MTERF3: variants seen among roughly 807,000 people sequenced by gnomAD.
MTERF3 encodes transcription termination factor 3, mitochondrial.
Under a neutral mutation model 40.5 loss-of-function variants are expected in MTERF3, and 40 were observed. The observed-to-expected ratio is 0.99, with a 90% CI of 0.77 to 1.29. The LOEUF (loss-of-function observed/expected upper bound fraction) is 1.29, where lower values mean the gene tolerates loss of function less well. Ranked by LOEUF, MTERF3 falls within the 50% of genes most tolerant of loss-of-function variation. MTERF3 has a pLI of 0.00. For synonymous variants in MTERF3, 158 were observed against 166.6 expected, an observed-to-expected ratio of 0.95 and a Z score of 0.40; for missense variants, 452 against 478.2, an observed-to-expected ratio of 0.95 and a Z score of 0.51.
At chr8:96,239,790 T>A (rs1809888458) in intron 7 of MTERF3, 105 bp from the exon 8 acceptor site, 3 of 775,624 alleles carry the variant, frequency 3.9e-6, no homozygotes, top group Non-Finnish European at 6.6e-6. Flanking sequence ...TACCAAGTAC[T>A]GACCATGTGT....
In MTERF3 at chr8:96,258,370, C is replaced by T. The variant is rs774252772; in HGVS notation, c.321G>A (p.Glu107=). 1.9e-6 allele frequency: 3 copies of T among 1,609,940 alleles called. No individual in the cohort carries two copies. Among genetic ancestry groups the T allele is most frequent in the Admixed American group, 1.7e-5 (1 of 59,858 alleles). Residue 107 remains glutamate, a synonymous_variant, in exon 2 of 8, where the codon GAG becomes GAA. Coordinates refer to ENST00000287025, the MANE Select transcript of MTERF3 (RefSeq NM_015942.5). ...GTTCAGAATTACCTTCTAGAAACAG[C>T]TCAGAATCAAAGCTGGATATATTTT... is the stretch of plus-strand genomic sequence containing the variant. ...KTQNISSFDS[E]LFLEELDELP...
intron 7 of MTERF3, among the ~76,000 whole-genome samples, chr8:96,240,916 A>T (rs1217333605): frequency 2.6e-5 from 4 of 152,170 alleles, no homozygotes; most frequent in Non-Finnish European, 5.9e-5. Context: ...AAGAGTGACT[A>T]AAAAAAGCAC....
At position 96,246,327 on chromosome 8, in the gene MTERF3, G is replaced by A. The variant is rs747232117; in HGVS notation, c.805C>T (p.Leu269Phe). The change falls in exon 5 of 8, where the codon CTT becomes TTT. Residue 269 changes from leucine to phenylalanine, a missense_variant. Coordinates refer to ENST00000287025, the MANE Select transcript of MTERF3 (RefSeq NM_015942.5). ...DNRLGFFQKE[L>F]ELSVKKTRDL... Reference sequence around the variant, plus strand: ...TTTACCTTCTTCACACTAAGTTCAAGTTCTTTCTGAAAAAATCCCAATCTG... The same window carrying A: ...TTTACCTTCTTCACACTAAGTTCAAATTCTTTCTGAAAAAATCCCAATCTG... 1.9e-6 allele frequency: 3 copies of A among 1,604,712 alleles called. No individual in the cohort carries two copies. Among genetic ancestry groups the A allele is most frequent in the Non-Finnish European group, 2.5e-6 (3 of 1,178,112 alleles).
intron 4 of MTERF3, among the ~76,000 whole-genome samples, chr8:96,250,641 GAAGAAGAAGAAGAAGAAGA>G (rs1810142797): frequency 3.9e-5 from 1 of 25,870 alleles, no homozygotes; most frequent in Non-Finnish European, 7.8e-5. Flanking sequence ...AGAAGAAGAA[GAAGAAGAAGAAGAAGAAGA>G]AGAAGAAGAA....
Position 96,257,019 on chromosome 8 carries a change from A to T in MTERF3, c.430T>A (p.Phe144Ile), listed in dbSNP as rs769392554. ...TGATCCACATAGTCTCGAAGTGTGA[A>T]TGAAGCTGGTGGCAATGGAGGGTCT... Reference protein sequence around the residue: ...IADPPLPPASFTLRDYVDHSE... With the variant: ...IADPPLPPASITLRDYVDHSE... The change falls in exon 3 of 8, where the codon TTC becomes ATC. Residue 144 changes from phenylalanine (F) to isoleucine (I), a missense_variant. Coordinates refer to ENST00000287025, the MANE Select transcript of MTERF3 (RefSeq NM_015942.5). The T allele has an allele frequency of 6.2e-7, 1 of 1,614,090 alleles. No homozygotes were observed. Among genetic ancestry groups the T allele is most frequent in the Non-Finnish European group, 8.5e-7 (1 of 1,179,942 alleles).
chr8:96,244,088 A>T lies in MTERF3; in HGVS notation c.898-8T>A. ...AAGTTCAAGACGATAAACCTAAAAG[A>T]AAGTAAATTTGCTATGAATCGTTAT... On this transcript the variant is annotated splice_region_variant and splice_polypyrimidine_tract_variant and intron_variant, in intron 6 of 7. Coordinates refer to ENST00000287025, the MANE Select transcript of MTERF3 (RefSeq NM_015942.5). 1.2e-6 allele frequency: 2 copies of T among 1,605,100 alleles called. No individual in the cohort carries two copies. Among genetic ancestry groups the T allele is most frequent in the Non-Finnish European group, 1.7e-6 (2 of 1,173,092 alleles).
rs1810320024 is a variant in MTERF3, at chr8:96,258,411, G to A, written c.280C>T (p.Gln94Ter). ...QSSLLPSMNEQSQKTQNISSF... is the reference protein window; with the variant it reads ...QSSLLPSMNE ...GATATATTTTGTGTCTTCTGTGACTGTTCATTCATGGAAGGAAGCAGACTG... is the reference window on the plus strand; with the variant it reads ...GATATATTTTGTGTCTTCTGTGACTATTCATTCATGGAAGGAAGCAGACTG... The change falls in exon 2 of 8, where the codon CAG becomes TAG. Residue 94 changes from glutamine (Q) to a stop codon, truncating the protein, a stop_gained. Transcript: ENST00000287025. LOFTEE classifies it high-confidence loss of function. The A allele has an allele frequency of 1.9e-6, 3 of 1,613,948 alleles. No individual in the cohort carries two copies. Among genetic ancestry groups the A allele is most frequent in the Non-Finnish European group, 2.5e-6 (3 of 1,179,968 alleles).
At chr8:96,250,681 A>AAGAAGG (rs1195195158) in intron 4 of MTERF3, among the ~76,000 whole-genome samples, 21 of 23,336 alleles carry the variant, frequency 9.0e-4, no homozygotes, top group South Asian at 4.7e-3. Flanking sequence ...GAAGAAGAAG[A>AAGAAGG]AGGAGGAGGA....
At position 96,257,028 on chromosome 8, in the gene MTERF3, G is replaced by C. The variant is rs748983979; in HGVS notation, c.421C>G (p.Pro141Ala). Residue 141 changes from proline (P) to alanine (A), a missense_variant, in exon 3 of 8, where the codon CCA (proline) becomes GCA (alanine). By Grantham distance (27) the Pro-to-Ala change is conservative. Transcript: ENST00000287025. ...TAGTCTCGAAGTGTGAATGAAGCTG[G>C]TGGCAATGGAGGGTCTGCAATAATC... ...IQIIADPPLP[P>A]ASFTLRDYVD... 2 of 1,614,038 alleles carry C rather than the reference G, an allele frequency of 1.2e-6. No individual in the cohort carries two copies. Among genetic ancestry groups the C allele is most frequent in the South Asian group, 1.1e-5 (1 of 91,066 alleles).
intron 2 of MTERF3, 177 bp downstream of exon 2, chr8:96,258,180 T>C (rs971930404): frequency 3.2e-6 from 3 of 947,272 alleles, no homozygotes; most frequent in Non-Finnish European, 1.3e-6. Flanking sequence ...GCCCACAAAC[T>C]TTTTTTCTTA....
intron 3 of MTERF3, 109 bp from the exon 4 acceptor site, chr8:96,251,204 A>T: frequency 1.3e-6 from 1 of 776,434 alleles, no homozygotes; most frequent in Non-Finnish European, 1.9e-6. Flanking sequence ...TATCCAAAGG[A>T]GCACTGAGAT....
chr8:96,241,367 G>A (rs1468259277), intron 7 of MTERF3, among the ~76,000 whole-genome samples: 1 of 151,008 alleles, frequency 6.6e-6, no homozygotes, highest in African/African-American at 2.4e-5. Flanking sequence ...CCGAGATCAC[G>A]CCACTGCACT....
In MTERF3 at chr8:96,261,556, G is replaced by GGCCGCACGTCCCGTCCCGCCGC. The variant is rs1390480322; in HGVS notation, c.-88_-67dup. ...GACCCCGGGACCGACCAACTCGCTG[G>GGCCGCACGTCCCGTCCCGCCGC]GCCGCACGTCCCGTCCCGCCGCGCC... On this transcript the variant is annotated 5_prime_UTR_variant, in exon 1 of 8. Transcript: ENST00000287025. The GGCCGCACGTCCCGTCCCGCCGC allele has an allele frequency of 3.2e-5, 5 of 154,578 alleles. No individual in the cohort carries two copies. Among genetic ancestry groups the GGCCGCACGTCCCGTCCCGCCGC allele is most frequent in the South Asian group, 3.8e-4 (2 of 5,304 alleles). 9.6% of individuals were successfully genotyped at this position (154,578 alleles called of 1,614,324 possible).
intron 7 of MTERF3, among the ~76,000 whole-genome samples, chr8:96,242,870 C>T (rs1809953650): frequency 6.6e-6 from 1 of 152,154 alleles, no homozygotes; most frequent in South Asian, 2.1e-4. Context: ...CTGATGGATG[C>T]TCAGTGATAT....
chr8:96,247,533 A>G (rs1376698553), intron 4 of MTERF3, among the ~76,000 whole-genome samples: 2 of 152,220 alleles, frequency 1.3e-5, no homozygotes, highest in African/African-American at 4.8e-5. Context: ...TGAATTTTCC[A>G]TGAGGAAACA....
intron 4 of MTERF3, among the ~76,000 whole-genome samples, chr8:96,250,662 GAAGAAGAAGAAGAAGA>G (rs1810150616): frequency 2.1e-4 from 7 of 32,658 alleles, no homozygotes; most frequent in African/African-American, 7.9e-4. Flanking sequence ...AGAAGAAGAA[GAAGAAGAAGAAGAAGA>G]AGAAGGAGGA....
At chr8:96,248,070 C>T (rs549894375) in intron 4 of MTERF3, among the ~76,000 whole-genome samples, 6 of 152,354 alleles carry the variant, frequency 3.9e-5, no homozygotes, top group Non-Finnish European at 5.9e-5. Context: ...AGTGTGATAG[C>T]ACTGTATCTG....
At chr8:96,243,419 AAAGAGTC>A (rs1301107149) in intron 7 of MTERF3, among the ~76,000 whole-genome samples, 4 of 152,226 alleles carry the variant, frequency 2.6e-5, no homozygotes, top group Non-Finnish European at 5.9e-5. Flanking sequence ...TTCTGCTTTT[AAAGAGTC>A]AATATTCAAG....
chr8:96,258,806 T>C, intron 1 of MTERF3, 106 bp from the exon 2 acceptor site: 1 of 866,636 alleles, frequency 1.2e-6, no homozygotes, highest in Non-Finnish European at 1.7e-6. Flanking sequence ...TATTTTTTTC[T>C]AATTGAAAGG....
Sources: gnomAD v4.1 joint callset for allele counts (sites outside exome capture counted in the v4.1 genomes callset) on GRCh38, gnomAD v4.1.1 for gene constraint, MANE v1.5 for transcripts, NCBI Gene and HGNC (gene_info 2026-07-23, HGNC 2026-07-21) for gene names.